The following INO80 variants were observed in gnomAD, a reference collection of about 807,000 sequenced individuals.
The protein encoded by INO80 is INO80 complex ATPase subunit.
Under a neutral mutation model 203.4 loss-of-function variants are expected in INO80, and 20 were observed. That is an observed-to-expected ratio of 0.10 (90% confidence interval 0.07 to 0.14). The LOEUF is 0.14. Among genes scored for constraint, INO80 ranks in the 10% least tolerant of loss-of-function variants. INO80 has a pLI of 1.00. For synonymous variants in INO80, 726 were observed against 685.2 expected (o/e 1.06, Z -0.93); for missense variants, 1,419 against 1,914.4 (o/e 0.74, Z 4.83).
At chr15:41,035,307 T>C (rs978191481) in intron 24 of INO80, among the ~76,000 whole-genome samples, 1 of 152,154 alleles carries the variant, frequency 6.6e-6, no homozygotes, top group African/African-American at 2.4e-5. Flanking sequence ...CCAGGTGTGA[T>C]GGCTCACACC....
intron 4 of INO80, among the ~76,000 whole-genome samples, chr15:41,095,366 G>T (rs1397526618): frequency 6.6e-6 from 1 of 152,084 alleles, no homozygotes; most frequent in South Asian, 2.1e-4. Flanking sequence ...AAACACGTCT[G>T]GTCTCAAGCA....
intron 19 of INO80, among the ~76,000 whole-genome samples, chr15:41,053,650 T>C (rs1284485799): frequency 1.3e-5 from 2 of 152,222 alleles, no homozygotes; most frequent in African/African-American, 4.8e-5. Flanking sequence ...GTAGAGTTAA[T>C]GATTATTGTC....
chr15:41,076,463 T>C (rs777686422), intron 9 of INO80, among the ~76,000 whole-genome samples: 8 of 144,224 alleles, frequency 5.5e-5, no homozygotes, highest in Non-Finnish European at 1.2e-4. Context: ...ATGTGCAAAC[T>C]TTCTTTTTTT....
chr15:41,055,535 C>T (rs1222008632), intron 17 of INO80, among the ~76,000 whole-genome samples, 171 bp from the exon 18 acceptor site: 7 of 152,210 alleles, frequency 4.6e-5, no homozygotes, highest in Non-Finnish European at 1.0e-4. Context: ...CTTGCCTCAT[C>T]AACCAACCCT....
chr15:41,035,033 G>C (rs780132711), intron 24 of INO80, among the ~76,000 whole-genome samples: 1 of 152,268 alleles, frequency 6.6e-6, no homozygotes, highest in South Asian at 2.1e-4. Context: ...ATGAAACCTC[G>C]TTATTATACT....
intron 9 of INO80, among the ~76,000 whole-genome samples, chr15:41,078,275 G>A (rs1458002846): frequency 6.6e-6 from 1 of 152,060 alleles, no homozygotes; most frequent in East Asian, 1.9e-4. Flanking sequence ...AAACAGAAAG[G>A]ATATGTCAAA....
chr15:41,072,787 C>CT (rs111334701), intron 11 of INO80, among the ~76,000 whole-genome samples: 23,554 of 145,896 alleles, frequency 0.16, 2,206 homozygotes, highest in African/African-American at 0.26. Context: ...TGGTCTTTTT[C>CT]TTTTTTTTTT....
intron 24 of INO80, among the ~76,000 whole-genome samples, chr15:41,039,871 C>T (rs2044641406): frequency 6.6e-6 from 1 of 152,176 alleles, no homozygotes; most frequent in Admixed American, 6.5e-5. Flanking sequence ...CCAAGGTAGG[C>T]ACACGTAAAC....
intron 14 of INO80, 26 bp downstream of exon 14, chr15:41,069,544 G>T (rs769458970): frequency 3.9e-6 from 5 of 1,267,720 alleles, no homozygotes; most frequent in Admixed American, 3.9e-5. Context: ...AAGAGCAATA[G>T]ATGTTTTGGT....
At chr15:41,013,735 G>A (rs2044164164) in intron 27 of INO80, among the ~76,000 whole-genome samples, 1 of 152,184 alleles carries the variant, frequency 6.6e-6, no homozygotes, top group South Asian at 2.1e-4. Flanking sequence ...AAGGAAACCA[G>A]AGAAGAATTT....
chr15:41,069,389 C>T, intron 14 of INO80, 181 bp downstream of exon 14: 1 of 458,676 alleles, frequency 2.2e-6, no homozygotes, highest in Non-Finnish European at 3.8e-6. Flanking sequence ...CCAGGATGAT[C>T]TCGACTTCCT....
chr15:41,053,554 A>C (rs536380876), intron 19 of INO80, among the ~76,000 whole-genome samples: 1 of 152,310 alleles, frequency 6.6e-6, no homozygotes, highest in South Asian at 2.1e-4. Context: ...AAAAAAACCA[A>C]ATCTTTTAGA....
intron 18 of INO80, among the ~76,000 whole-genome samples, chr15:41,054,287 G>GT (rs1459097069): frequency 6.6e-6 from 1 of 152,144 alleles, no homozygotes; most frequent in Admixed American, 6.6e-5. Context: ...TAATAGGGTT[G>GT]TAAGTATAAG....
chr15:41,041,493 TG>T (rs781495232), intron 24 of INO80, among the ~76,000 whole-genome samples: 107 of 150,696 alleles, frequency 7.1e-4, no homozygotes, highest in Non-Finnish European at 1.4e-3. Flanking sequence ...CAGGCTGGAG[TG>T]TAATGGCGCG....
chr15:41,061,904 C>A (rs1037515704), intron 14 of INO80, among the ~76,000 whole-genome samples: 8 of 152,044 alleles, frequency 5.3e-5, no homozygotes, highest in Non-Finnish European at 1.0e-4. Flanking sequence ...CAACAGAATG[C>A]AAGATTCAGC....
At chr15:41,055,730 G>A (rs1041218526) in intron 17 of INO80, among the ~76,000 whole-genome samples, 3 of 152,150 alleles carry the variant, frequency 2.0e-5, no homozygotes, top group Admixed American at 6.6e-5. Context: ...TCCTAGATTA[G>A]GGGTTAGAAA....
intron 1 of INO80, among the ~76,000 whole-genome samples, chr15:41,101,819 G>C (rs1359379245): frequency 1.3e-5 from 2 of 151,730 alleles, no homozygotes; most frequent in African/African-American, 4.8e-5. Context: ...CAAAGTGCTG[G>C]GATTACAGGC....
chr15:41,089,225 A>C (rs946088281), intron 5 of INO80, among the ~76,000 whole-genome samples: 8 of 152,206 alleles, frequency 5.3e-5, no homozygotes, highest in Middle Eastern at 6.8e-3. Flanking sequence ...AAACATAAAA[A>C]ACAAGCAAAT....
chr15:41,076,283 C>A (rs144878171), intron 9 of INO80, among the ~76,000 whole-genome samples: 157 of 152,110 alleles, frequency 1.0e-3, no homozygotes, highest in African/African-American at 3.4e-3. Flanking sequence ...ATCGCTTGAA[C>A]CCAGGAGGAA....
Sources: allele counts gnomAD v4.1 joint callset (sites outside exome capture counted in the v4.1 genomes callset), GRCh38; gene constraint gnomAD v4.1.1; transcripts MANE v1.5; gene names NCBI Gene and HGNC (gene_info 2026-07-23, HGNC 2026-07-21).